Variants in PCDH11X observed in about 807,000 individuals in gnomAD.
PCDH11X encodes protocadherin-11 X-linked.
In PCDH11X, 18 loss-of-function variants were observed where a neutral mutation model predicts 53.3. That is an observed-to-expected ratio of 0.34 (90% CI 0.23 to 0.50). PCDH11X has a LOEUF of 0.50. PCDH11X is among the 20% of genes least tolerant of loss of function. The pLI is 0.98. For missense variants in PCDH11X, 570 were observed against 1,032.4 expected (o/e 0.55, Z 6.14); for synonymous variants, 279 against 393.3 (o/e 0.71, Z 3.44).
chrX:92,008,453 C>T (rs767066470), intron 6 of PCDH11X, among the ~76,000 whole-genome samples: 85 of 110,617 alleles, frequency 7.7e-4, no homozygotes, highest in Non-Finnish European at 1.4e-3. Context: ...CAGCGCCTCA[C>T]GATTGCTGTG....
chrX:92,254,961 G>A (rs1472920894), intron 7 of PCDH11X, among the ~76,000 whole-genome samples: 1 of 95,045 alleles, frequency 1.1e-5, no homozygotes, highest in African/African-American at 3.9e-5. Context: ...GGCGTTCTCT[G>A]TATTTCCTGA....
At chrX:92,270,298 G>T (rs1050169164) in intron 8 of PCDH11X, among the ~76,000 whole-genome samples, 18 of 109,038 alleles carry the variant, frequency 1.7e-4, no homozygotes, top group Admixed American at 9.9e-5. Flanking sequence ...TTGTGTGTGT[G>T]TTTTTAGTAG....
intron 8 of PCDH11X, among the ~76,000 whole-genome samples, chrX:92,296,419 T>C (rs12013001): frequency 0.23 from 22,690 of 100,451 alleles, 4,057 homozygotes; most frequent in East Asian, 0.76. Flanking sequence ...CTCAAGTAGG[T>C]ACCGATGGCT....
chrX:92,192,740 T>G (rs961660022), intron 6 of PCDH11X, among the ~76,000 whole-genome samples: 3 of 109,312 alleles, frequency 2.7e-5, no homozygotes, highest in African/African-American at 6.7e-5. Flanking sequence ...TTGTGGTGGT[T>G]GTTGTTGTTT....
intron 6 of PCDH11X, among the ~76,000 whole-genome samples, chrX:92,031,321 C>T (rs960538469): frequency 1.6e-4 from 17 of 108,310 alleles, no homozygotes; most frequent in African/African-American, 5.1e-4. Context: ...CATTTTTAAT[C>T]GGATTATTAG....
At chrX:92,176,505 C>G (rs905349627) in intron 6 of PCDH11X, among the ~76,000 whole-genome samples, 2 of 111,869 alleles carry the variant, frequency 1.8e-5, no homozygotes, top group African/African-American at 6.5e-5. Context: ...ATTCAACATG[C>G]GAAACATTTG....
At chrX:92,601,765 A>T (rs1439115618) in intron 10 of PCDH11X, among the ~76,000 whole-genome samples, 5 of 109,935 alleles carry the variant, frequency 4.5e-5, no homozygotes, top group Non-Finnish European at 9.5e-5. Context: ...ATCATAATCC[A>T]TATCTCGCCA....
intron 8 of PCDH11X, among the ~76,000 whole-genome samples, chrX:92,329,449 C>T (rs2069410900): frequency 9.0e-6 from 1 of 111,160 alleles, no homozygotes; most frequent in Non-Finnish European, 1.9e-5. Context: ...ATAGAACTAC[C>T]ATATGATTTA....
intron 6 of PCDH11X, among the ~76,000 whole-genome samples, chrX:92,157,137 T>G (rs1282990019): frequency 8.9e-6 from 1 of 111,772 alleles, no homozygotes; most frequent in Admixed American, 9.5e-5. Context: ...GCAAAGAAAT[T>G]CTATCTAATG....
At chrX:91,999,516 C>A (rs1352741765) in intron 6 of PCDH11X, among the ~76,000 whole-genome samples, 1 of 110,640 alleles carries the variant, frequency 9.0e-6, no homozygotes, top group East Asian at 2.8e-4. Flanking sequence ...TGAAAATGTT[C>A]AAAATTGTTA....
At chrX:92,262,964 A>T in intron 7 of PCDH11X, 150 bp from the exon 8 acceptor site, 1 of 1,034,416 alleles carries the variant, frequency 9.7e-7, no homozygotes, top group Non-Finnish European at 1.3e-6. Flanking sequence ...TCAGCAGAAA[A>T]ACAAAGCTGT....
chrX:92,008,151 C>T (rs182532612), intron 6 of PCDH11X, among the ~76,000 whole-genome samples: 45 of 111,410 alleles, frequency 4.0e-4, no homozygotes, highest in East Asian at 1.7e-3. Context: ...TTGACTTCTC[C>T]GGCTGGTGCC....
chrX:92,530,494 G>A (rs925136767), intron 10 of PCDH11X, among the ~76,000 whole-genome samples: 2 of 112,077 alleles, frequency 1.8e-5, no homozygotes, highest in African/African-American at 6.5e-5. Context: ...AGTAAGTTTA[G>A]CATTTTCCTA....
intron 7 of PCDH11X, among the ~76,000 whole-genome samples, chrX:92,208,530 T>TATATATATATATATATATAC (rs2066520362): frequency 1.5e-5 from 1 of 68,742 alleles, no homozygotes; most frequent in African/African-American, 4.9e-5. Flanking sequence ...TATATATATA[T>TATATATATATATATATATAC]ATATATACAA....
intron 10 of PCDH11X, among the ~76,000 whole-genome samples, chrX:92,484,271 G>GTATGTATATA (rs201633543): frequency 2.0e-5 from 2 of 99,155 alleles, no homozygotes; most frequent in Non-Finnish European, 2.0e-5. Flanking sequence ...ATATATATGT[G>GTATGTATATA]TATGTATATA....
chrX:91,945,204 A>C (rs765180646), intron 6 of PCDH11X, among the ~76,000 whole-genome samples: 1 of 104,168 alleles, frequency 9.6e-6, no homozygotes, highest in African/African-American at 3.4e-5. Flanking sequence ...ATGAGATGAA[A>C]GCTATATAAA....
chrX:92,216,387 G>A (rs796483299), intron 7 of PCDH11X, among the ~76,000 whole-genome samples: 11 of 105,751 alleles, frequency 1.0e-4, no homozygotes, highest in East Asian at 6.2e-4. Context: ...GCCAAGGCTC[G>A]AGAACTATGT....
At chrX:92,227,095 C>T (rs777675627) in intron 7 of PCDH11X, among the ~76,000 whole-genome samples, 43 of 111,405 alleles carry the variant, frequency 3.9e-4, no homozygotes, top group Non-Finnish European at 7.4e-4. Flanking sequence ...ATCATTGTCT[C>T]GTAACTCACA....
At position 91,934,264 on chromosome X, in the gene PCDH11X, G is replaced by T. The variant is rs562854579; in HGVS notation, c.3033+54991G>T. 2.8e-3 allele frequency among the ~76,000 whole-genome samples: 307 copies of T among 110,832 alleles called. 3 individuals are homozygous for T. In the South Asian group the frequency reaches 0.059, roughly 21 times the overall value. ...CCCAAGCTATAAGAATCATTGATTA[G>T]TGGCATTCAAATTTTACCAGCAAGA... is the stretch of plus-strand genomic sequence containing the variant. On this transcript the variant is annotated intron_variant, in intron 6 of 10. Transcript: ENST00000682573.
Sources: allele counts gnomAD v4.1 joint callset (sites outside exome capture counted in the v4.1 genomes callset), GRCh38; gene constraint gnomAD v4.1.1; transcripts MANE v1.5; gene names NCBI Gene and HGNC (gene_info 2026-07-23, HGNC 2026-07-21).